PHF21A: variants seen among roughly 807,000 people sequenced by gnomAD.
The protein encoded by PHF21A is PHD finger protein 21A, also known as BHC80a.
In PHF21A, 11 loss-of-function variants were observed where a neutral mutation model predicts 82.5. The observed-to-expected ratio is 0.13, with a 90% CI of 0.08 to 0.22. The LOEUF is 0.22. Among genes scored for constraint, PHF21A ranks in the 10% least tolerant of loss-of-function variants. The probability of loss-of-function intolerance (pLI) is 1.00; values close to 1 mark genes in which losing one functional copy is unlikely to be tolerated. For missense variants in PHF21A, 579 were observed against 837.8 expected (o/e 0.69, Z 3.81); for synonymous variants, 297 against 302.8 (o/e 0.98, Z 0.20).
Position 45,929,918 on chromosome 11 carries a change from G to C in PHF21A, c.*4050C>G, listed in dbSNP as rs2087510020. 6.6e-6 allele frequency: 1 copy of C among 152,448 alleles called. No individual in the cohort carries two copies. The highest frequency in any genetic ancestry group is 1.9e-4 in the East Asian group (1 of 5,180). 9.4% of individuals were successfully genotyped at this position (152,448 alleles called of 1,614,324 possible). A position where few individuals can be genotyped will look rare whatever the true frequency, so the allele number is the denominator to read the frequency against. Reference sequence around the variant, plus strand: ...GGGAGTCCTGCTTCCTGCCAGGGGTGCCCGGCAGAGGGACAGGGGCGAGGT... The same window carrying C: ...GGGAGTCCTGCTTCCTGCCAGGGGTCCCCGGCAGAGGGACAGGGGCGAGGT... On this transcript the variant is annotated 3_prime_UTR_variant, in exon 19 of 19. Coordinates refer to ENST00000676320, the MANE Select transcript of PHF21A (RefSeq NM_001352027.3).
intron 6 of PHF21A, among the ~76,000 whole-genome samples, chr11:46,002,236 G>A (rs1035862347): frequency 2.0e-5 from 3 of 151,950 alleles, no homozygotes; most frequent in African/African-American, 7.3e-5. Context: ...TGGCACACTG[G>A]GCTAGGTTTT....
At chr11:46,030,893 T>C (rs114042095) in intron 6 of PHF21A, among the ~76,000 whole-genome samples, 74 of 151,370 alleles carry the variant, frequency 4.9e-4, no homozygotes, top group African/African-American at 1.8e-3. Flanking sequence ...TTTCTACTTT[T>C]TGGGGGAAGT....
chr11:45,931,582 C>T lies in PHF21A; in HGVS notation c.*2386G>A, dbSNP rs921488630. 2.0e-5 allele frequency: 3 copies of T among 152,260 alleles called. No homozygotes were observed. Among genetic ancestry groups the T allele is most frequent in the Non-Finnish European group, 4.4e-5 (3 of 68,060 alleles). The allele number at this position is 152,260 out of a possible 1,614,324, so 9.4% of individuals were successfully genotyped here. A position where few individuals can be genotyped will look rare whatever the true frequency, so the allele number is the denominator to read the frequency against. On this transcript the variant is annotated 3_prime_UTR_variant, in exon 19 of 19. Coordinates refer to ENST00000676320, the MANE Select transcript of PHF21A (RefSeq NM_001352027.3). ...GCTGATAGAGATGAGACACATTTTACTCTAAGAAGTGTCTCTTCTCTGTTG... is the reference window on the plus strand; with the variant it reads ...GCTGATAGAGATGAGACACATTTTATTCTAAGAAGTGTCTCTTCTCTGTTG...
chr11:45,936,316 G>T (rs1308461870), intron 17 of PHF21A, among the ~76,000 whole-genome samples, 178 bp downstream of exon 17: 3 of 152,134 alleles, frequency 2.0e-5, no homozygotes, highest in Admixed American at 2.0e-4. Context: ...AAATGCTACA[G>T]AAGTTTTCCA....
intron 10 of PHF21A, among the ~76,000 whole-genome samples, chr11:45,963,420 CAA>C (rs35389845): frequency 4.8e-4 from 43 of 89,918 alleles, no homozygotes; most frequent in Admixed American, 6.5e-4. Context: ...AACTCTGTGT[CAA>C]AAAAAAAAAA....
At chr11:45,964,114 C>A (rs1455975707) in intron 10 of PHF21A, among the ~76,000 whole-genome samples, 2 of 151,396 alleles carry the variant, frequency 1.3e-5, no homozygotes, top group African/African-American at 4.9e-5. Flanking sequence ...AGGAGAATCA[C>A]TTGAACCTGG....
At position 45,932,663 on chromosome 11, in the gene PHF21A, T is replaced by C. The variant is rs1230812128; in HGVS notation, c.*1305A>G. The C allele has an allele frequency of 6.5e-6, 1 of 152,672 alleles. No homozygotes were observed. Among genetic ancestry groups the C allele is most frequent in the Non-Finnish European group, 1.5e-5 (1 of 68,044 alleles). 9.5% of individuals were successfully genotyped at this position (152,672 alleles called of 1,614,324 possible). A position where few individuals can be genotyped will look rare whatever the true frequency, so the allele number is the denominator to read the frequency against. On this transcript the variant is annotated 3_prime_UTR_variant, in exon 19 of 19. Transcript: ENST00000676320. This position sits in a 1 kb window ranked among gnomAD's most constrained non-coding sequence, Gnocchi z 4.3. ...CAATGTTTCTTACCTTGATCTTAAT[T>C]TAAGTAACACTAGGAAGACCTCAAT...
intron 6 of PHF21A, among the ~76,000 whole-genome samples, chr11:46,001,189 G>A (rs1304169321): frequency 2.6e-5 from 4 of 151,754 alleles, no homozygotes; most frequent in African/African-American, 7.3e-5. Flanking sequence ...AGTCTAAGAA[G>A]AAAAACTTAA....
intron 6 of PHF21A, among the ~76,000 whole-genome samples, chr11:46,021,720 T>C (rs2095636175): frequency 6.6e-6 from 1 of 152,114 alleles, no homozygotes; most frequent in African/African-American, 2.4e-5. Context: ...TTTTATGTTA[T>C]TTTATTTTTT....
At chr11:46,118,011 CA>C (rs1851843796) in intron 1 of PHF21A, 1 of 152,148 alleles carries the variant, frequency 6.6e-6, no homozygotes, top group Non-Finnish European at 1.5e-5. Context: ...CCTCAAAATT[CA>C]AAAATTTCCT....
rs367655895 is a variant in PHF21A, at chr11:45,974,652, G to A, written c.361-3285C>T. 5.1e-4 allele frequency among the ~76,000 whole-genome samples: 77 copies of A among 151,770 alleles called. No homozygotes were observed. In the South Asian group the frequency reaches 8.4e-3, roughly 16 times the overall value. Reference sequence around the variant, plus strand: ...TTATTTTTAGTAGAGACGTGATCTCGCTATGTTGCCCAGGCTGGTCTAGAA... The same window carrying A: ...TTATTTTTAGTAGAGACGTGATCTCACTATGTTGCCCAGGCTGGTCTAGAA... On this transcript the variant is annotated intron_variant, in intron 7 of 18. Transcript: ENST00000676320.
At chr11:45,979,125 T>G (rs2094172602) in intron 7 of PHF21A, among the ~76,000 whole-genome samples, 1 of 152,004 alleles carries the variant, frequency 6.6e-6, no homozygotes, top group South Asian at 2.1e-4. Flanking sequence ...CAAGTGATTC[T>G]CCTGCCTCAG....
intron 6 of PHF21A, among the ~76,000 whole-genome samples, chr11:46,055,821 T>G (rs2096446506): frequency 6.6e-6 from 1 of 152,214 alleles, no homozygotes; most frequent in African/African-American, 2.4e-5. Flanking sequence ...AAAATCAGAA[T>G]TTTTAAACGC....
intron 6 of PHF21A, among the ~76,000 whole-genome samples, chr11:46,046,868 C>A (rs1273178774): frequency 6.6e-6 from 1 of 152,282 alleles, no homozygotes; most frequent in East Asian, 1.9e-4. Flanking sequence ...CAGTAAGACA[C>A]CAGTTGGCAC....
At chr11:46,118,917 C>A (rs568024778) in intron 1 of PHF21A, 35 of 152,206 alleles carry the variant, frequency 2.3e-4, no homozygotes, top group African/African-American at 6.7e-4. Context: ...CAGATGTAAA[C>A]AAATATCATA....
chr11:46,009,319 T>C (rs1011739532), intron 6 of PHF21A, among the ~76,000 whole-genome samples: 2 of 152,188 alleles, frequency 1.3e-5, no homozygotes, highest in Non-Finnish European at 2.9e-5. Context: ...TCCCTGGTCC[T>C]GGAGTACCTT....
intron 9 of PHF21A, among the ~76,000 whole-genome samples, chr11:45,969,175 C>A (rs2093622658): frequency 6.6e-6 from 1 of 152,148 alleles, no homozygotes; most frequent in Admixed American, 6.5e-5. Flanking sequence ...TCTCAGCCTT[C>A]CTACCAAGGA....
intron 2 of PHF21A, among the ~76,000 whole-genome samples, chr11:46,090,848 T>C (rs1008227017): frequency 9.2e-5 from 14 of 152,062 alleles, no homozygotes; most frequent in African/African-American, 1.4e-4. Context: ...TGTTCCATTA[T>C]TGGAACACTA....
intron 6 of PHF21A, among the ~76,000 whole-genome samples, chr11:46,008,743 C>A (rs989077803): frequency 6.6e-6 from 1 of 152,082 alleles, no homozygotes; most frequent in Non-Finnish European, 1.5e-5. Context: ...ATAAATAAAT[C>A]TGAATATAAT....
Sources: allele counts gnomAD v4.1 joint callset (sites outside exome capture counted in the v4.1 genomes callset), GRCh38; gene constraint gnomAD v4.1.1; non-coding constraint Gnocchi (gnomAD v3.1); transcripts MANE v1.5; gene names NCBI Gene and HGNC (gene_info 2026-07-23, HGNC 2026-07-21).